Variants in SOX5 observed in about 807,000 individuals in gnomAD.
SOX5 encodes the protein transcription factor SOX-5.
SOX5 carries 9 observed loss-of-function variants against 92.0 expected under a neutral mutation model. The observed-to-expected ratio is 0.10, with a 90% confidence interval of 0.06 to 0.17. SOX5 has a LOEUF of 0.17. Among genes scored for constraint, SOX5 ranks in the 10% least tolerant of loss-of-function variants. SOX5 has a pLI of 1.00. For synonymous variants in SOX5, 344 were observed against 336.3 expected (o/e 1.02, Z -0.25); for missense variants, 642 against 944.5 (o/e 0.68, Z 4.20).
At chr12:23,792,987 G>A (rs925963646) in intron 3 of SOX5, among the ~76,000 whole-genome samples, 2 of 152,046 alleles carry the variant, frequency 1.3e-5, no homozygotes, top group African/African-American at 2.4e-5. Flanking sequence ...TAAGGTTTTC[G>A]AAATTTGGAC....
intron 2 of SOX5, among the ~76,000 whole-genome samples, chr12:23,858,791 A>G (rs1241172548): frequency 6.6e-6 from 1 of 152,226 alleles, no homozygotes; most frequent in Non-Finnish European, 1.5e-5. Flanking sequence ...GGGACCCTGA[A>G]CGGAGGGACC....
At chr12:24,266,067 T>C (rs915474988) in intron 3 of SOX5, among the ~76,000 whole-genome samples, 8 of 150,728 alleles carry the variant, frequency 5.3e-5, no homozygotes, top group Non-Finnish European at 1.2e-4. Flanking sequence ...TGTGTGTGTG[T>C]GTGTGTGTGT....
intron 8 of SOX5, chr12:23,637,861 A>C (rs2079480980): frequency 6.6e-6 from 1 of 152,532 alleles, no homozygotes; most frequent in Non-Finnish European, 1.5e-5. Flanking sequence ...AAGTTTTCTA[A>C]AGCCGGAGGT....
In SOX5 at chr12:24,383,074, G is replaced by A. The variant is rs973540630; in HGVS notation, c.-250-14435C>T. ...TGGCAGGTTCCAAATGAGTATATATGTATGTATTTATTGATTGTGATTGAT... is the reference window on the plus strand; with the variant it reads ...TGGCAGGTTCCAAATGAGTATATATATATGTATTTATTGATTGTGATTGAT... On this transcript the variant is annotated intron_variant, in intron 1 of 4. Transcript: ENST00000446891. Among the ~76,000 whole-genome samples the A allele has an allele frequency of 1.9e-4, 29 of 152,238 alleles. No homozygotes were observed. The East Asian group carries it at 2.5e-3, about 13-fold the overall frequency.
At chr12:24,377,357 CA>C (rs1957389369) in intron 1 of SOX5, among the ~76,000 whole-genome samples, 1 of 152,148 alleles carries the variant, frequency 6.6e-6, no homozygotes, top group African/African-American at 2.4e-5. Flanking sequence ...TCATTGCATC[CA>C]AAACAATTCA....
chr12:24,065,401 C>G (rs1940503234), intron 4 of SOX5, among the ~76,000 whole-genome samples: 1 of 152,072 alleles, frequency 6.6e-6, no homozygotes, highest in Non-Finnish European at 1.5e-5. Context: ...TTAATCCCAG[C>G]ACTTTGGGAG....
intron 4 of SOX5, among the ~76,000 whole-genome samples, chr12:24,012,532 C>T (rs955663156): frequency 6.6e-6 from 1 of 152,104 alleles, no homozygotes; most frequent in African/African-American, 2.4e-5. Context: ...ATTTTGTGAT[C>T]AATCTTTGAA....
chr12:24,202,566 A>T (rs1264842087), intron 4 of SOX5, among the ~76,000 whole-genome samples: 2 of 152,196 alleles, frequency 1.3e-5, no homozygotes, highest in African/African-American at 4.8e-5. Flanking sequence ...TTCTTGGACT[A>T]TGAGCCAATA....
intron 4 of SOX5, among the ~76,000 whole-genome samples, chr12:24,145,984 C>T (rs1370121182): frequency 6.6e-6 from 1 of 152,122 alleles, no homozygotes; most frequent in Non-Finnish European, 1.5e-5. Context: ...GTGCAAAATA[C>T]ATGAAGCAAA....
intron 4 of SOX5, among the ~76,000 whole-genome samples, chr12:24,099,610 A>G (rs1945835666): frequency 6.6e-6 from 1 of 152,092 alleles, no homozygotes. Flanking sequence ...GGCTGCCAAA[A>G]ATCCTGGCAG....
chr12:24,431,003 T>C (rs1264525706), intron 1 of SOX5, among the ~76,000 whole-genome samples: 1 of 152,218 alleles, frequency 6.6e-6, no homozygotes, highest in Admixed American at 6.5e-5. Context: ...TCAGCTTTAT[T>C]GCAAAAGAGA....
chr12:23,594,430 C>T (rs920317167), intron 9 of SOX5, among the ~76,000 whole-genome samples: 9 of 152,076 alleles, frequency 5.9e-5, no homozygotes, highest in African/African-American at 1.9e-4. Context: ...TGTGGAATTA[C>T]GTCTCTCCAA....
At chr12:24,462,632 A>G (rs2137505619) in intron 1 of SOX5, among the ~76,000 whole-genome samples, 1 of 152,300 alleles carries the variant, frequency 6.6e-6, no homozygotes, top group Admixed American at 6.5e-5. Context: ...AATTCTGTGT[A>G]TAAAATTTGA....
chr12:23,595,455 T>C (rs1477208906), intron 9 of SOX5, among the ~76,000 whole-genome samples: 3 of 151,822 alleles, frequency 2.0e-5, no homozygotes, highest in African/African-American at 7.3e-5. Context: ...ACCCCGTCTC[T>C]ACTAAAAATA....
chr12:24,110,980 AAGCC>A (rs904985648), intron 4 of SOX5, among the ~76,000 whole-genome samples: 11 of 151,294 alleles, frequency 7.3e-5, no homozygotes, highest in Admixed American at 2.0e-4. Context: ...ATTTTACGCT[AAGCC>A]AGGATTTCTC....
chr12:23,980,971 T>A (rs117969087), intron 4 of SOX5, among the ~76,000 whole-genome samples: 2,923 of 152,296 alleles, frequency 0.019, 35 homozygotes, highest in East Asian at 0.031. Context: ...CCTCACATCT[T>A]CTTGTGTAGA....
chr12:23,563,105 G>A (rs1412742341), intron 11 of SOX5, among the ~76,000 whole-genome samples, 153 bp downstream of exon 11: 2 of 152,202 alleles, frequency 1.3e-5, no homozygotes, highest in African/African-American at 2.4e-5. Flanking sequence ...GTTTTGATTA[G>A]GATGGCGATG....
chr12:23,727,239 T>G (rs1340739254), intron 6 of SOX5, among the ~76,000 whole-genome samples: 1 of 152,186 alleles, frequency 6.6e-6, no homozygotes, highest in Admixed American at 6.6e-5. Context: ...ACACAGACTT[T>G]GTTATTTCAA....
In SOX5 at chr12:23,631,712, T is replaced by C. The variant is rs145334814; in HGVS notation, c.1017+9100A>G. The stretch of plus-strand genomic sequence containing the variant: ...AATAACAAAATTTCAAATATAATTT[T>C]AAAGTTTACCATTTATTTAATCGAC... On this transcript the variant is annotated intron_variant, in intron 8 of 14. Transcript: ENST00000451604. 6.2e-4 allele frequency among the ~76,000 whole-genome samples: 94 copies of C among 152,276 alleles called. 1 individual carries two copies. Among genetic ancestry groups the C allele is most frequent in the African/African-American group, 2.1e-3 (89 of 41,560 alleles).
Sources: gnomAD v4.1 joint callset for allele counts (sites outside exome capture counted in the v4.1 genomes callset) on GRCh38, gnomAD v4.1.1 for gene constraint, MANE v1.5 for transcripts, NCBI Gene and HGNC (gene_info 2026-07-23, HGNC 2026-07-21) for gene names.